The following UNC13C variants were observed in gnomAD, a reference collection of about 807,000 sequenced individuals.
UNC13C encodes protein unc-13 homolog C.
A neutral mutation model predicts 245.4 loss-of-function variants in UNC13C; 174 were observed. The observed-to-expected ratio is 0.71, with a 90% CI of 0.63 to 0.80. UNC13C has a LOEUF of 0.80. UNC13C is among the 30% of genes least tolerant of loss of function. The probability of loss-of-function intolerance (pLI) is 0.00; values close to 1 mark genes in which losing one functional copy is unlikely to be tolerated. For missense variants in UNC13C, 2,829 were observed against 2,602.9 expected, an observed-to-expected ratio of 1.09 and a Z score of -1.89; for synonymous variants, 992 against 895.1, an observed-to-expected ratio of 1.11 and a Z score of -1.93.
chr15:54,069,946 C>T (rs1166420859), intron 2 of UNC13C, among the ~76,000 whole-genome samples: 2 of 152,216 alleles, frequency 1.3e-5, no homozygotes, highest in Non-Finnish European at 2.9e-5. Context: ...ATGCTTTATA[C>T]ATTACTTCAC....
chr15:54,000,811 A>T (rs1894851741), intron 1 of UNC13C, among the ~76,000 whole-genome samples: 1 of 152,170 alleles, frequency 6.6e-6, no homozygotes, highest in African/African-American at 2.4e-5. Flanking sequence ...AGACTTCATA[A>T]ATTAGACTTG....
intron 2 of UNC13C, among the ~76,000 whole-genome samples, chr15:54,087,232 AT>A (rs1237861280): frequency 2.6e-5 from 4 of 152,264 alleles, no homozygotes; most frequent in Non-Finnish European, 4.4e-5. Context: ...TTTAAAAAAA[AT>A]AAATCAAAGA....
chr15:53,948,311 A>C, the UNC13C span: 1 of 152,206 alleles, frequency 6.6e-6, no homozygotes, highest in African/African-American at 2.4e-5. Flanking sequence ...TACTCTGTTG[A>C]GAAACTTCTG....
chr15:54,022,588 C>G (rs1379623152), intron 2 of UNC13C, among the ~76,000 whole-genome samples: 2 of 152,096 alleles, frequency 1.3e-5, no homozygotes, highest in African/African-American at 2.4e-5. Flanking sequence ...TATTTTAAAA[C>G]CAGGTTACTT....
chr15:53,859,045 T>G, the UNC13C span, among the ~76,000 whole-genome samples: 142,564 of 152,010 alleles, frequency 0.94, 67,561 homozygotes, highest in East Asian at 1. Context: ...AATTATCTTT[T>G]ATTTTTTTCT....
chr15:53,913,087 C>T, the UNC13C span: 2 of 152,198 alleles, frequency 1.3e-5, no homozygotes, highest in East Asian at 1.9e-4. Flanking sequence ...CACAGTGTTG[C>T]TTCAGGGCTT....
At chr15:54,143,569 T>G in intron 3 of UNC13C, 51 bp from the exon 4 acceptor site, 1 of 1,487,666 alleles carries the variant, frequency 6.7e-7, no homozygotes, top group Non-Finnish European at 9.3e-7. Context: ...CATAAAACTG[T>G]AGTATGCTAA....
At chr15:54,447,151 A>T (rs533528363) in intron 19 of UNC13C, among the ~76,000 whole-genome samples, 1 of 152,162 alleles carries the variant, frequency 6.6e-6, no homozygotes, top group Non-Finnish European at 1.5e-5. Context: ...CCACTTGATC[A>T]TGGTGGATAA....
the UNC13C span, among the ~76,000 whole-genome samples, chr15:53,881,116 C>G: frequency 6.6e-6 from 1 of 151,772 alleles, no homozygotes; most frequent in Non-Finnish European, 1.5e-5. Context: ...GCTGCATTAA[C>G]TCCTCTAAGA....
At chr15:53,951,808 C>T in the UNC13C span, among the ~76,000 whole-genome samples, 1 of 152,136 alleles carries the variant, frequency 6.6e-6, no homozygotes, top group African/African-American at 2.4e-5. Flanking sequence ...TGCAAGTAAC[C>T]TTTCCTCCTA....
chr15:54,278,906 C>G (rs2036904769), intron 10 of UNC13C, among the ~76,000 whole-genome samples: 1 of 152,090 alleles, frequency 6.6e-6, no homozygotes, highest in African/African-American at 2.4e-5. Context: ...ATTTGTTATA[C>G]TTTTTAAAAT....
At chr15:54,459,453 C>G (rs1346340732) in intron 19 of UNC13C, among the ~76,000 whole-genome samples, 1 of 152,140 alleles carries the variant, frequency 6.6e-6, no homozygotes, top group Non-Finnish European at 1.5e-5. Context: ...TTAGCAGGAT[C>G]AGGGGAGTAA....
chr15:54,612,164 A>G (rs1297249951), intron 30 of UNC13C, among the ~76,000 whole-genome samples: 1 of 152,098 alleles, frequency 6.6e-6, no homozygotes, highest in Non-Finnish European at 1.5e-5. Context: ...ACCTGGAATC[A>G]TTGTTTTAAT....
At chr15:54,191,439 C>T (rs901608064) in intron 4 of UNC13C, among the ~76,000 whole-genome samples, 1 of 152,126 alleles carries the variant, frequency 6.6e-6, no homozygotes, top group Non-Finnish European at 1.5e-5. Flanking sequence ...TTTTCTTTAT[C>T]CAGTCTATCA....
rs76985963 is a variant in UNC13C at position 54,387,260 on chromosome 15, G to C, written c.4714-5788G>C. On this transcript the variant is annotated intron_variant, in intron 17 of 32. Coordinates refer to ENST00000260323, the MANE Select transcript of UNC13C (RefSeq NM_001080534.3). ...AGTAGCACTTGTGGATCTAGCACCA[G>C]TTAGCTAGATTTATAGCTACTCCTT... Among the ~76,000 whole-genome samples the C allele has an allele frequency of 2.5e-3, 382 of 152,246 alleles. 4 individuals carry two copies. Among genetic ancestry groups the C allele is most frequent in the African/African-American group, 8.9e-3 (368 of 41,554 alleles).
chr15:53,917,903 T>G, the UNC13C span, among the ~76,000 whole-genome samples: 1 of 152,170 alleles, frequency 6.6e-6, no homozygotes, highest in Non-Finnish European at 1.5e-5. Flanking sequence ...TAAAGCACAG[T>G]CACCTGTCTT....
At chr15:54,036,875 G>A (rs924427427) in intron 2 of UNC13C, among the ~76,000 whole-genome samples, 1 of 152,178 alleles carries the variant, frequency 6.6e-6, no homozygotes, top group Admixed American at 6.5e-5. Context: ...GAAAACCTTC[G>A]GTGATTCAGT....
At chr15:54,541,874 ATGT>A (rs1219718709) in intron 26 of UNC13C, among the ~76,000 whole-genome samples, 1 of 152,044 alleles carries the variant, frequency 6.6e-6, no homozygotes, top group Non-Finnish European at 1.5e-5. Context: ...CACCTTTGCC[ATGT>A]TGTTATGTTG....
intron 2 of UNC13C, among the ~76,000 whole-genome samples, chr15:54,099,083 T>A (rs1443570147): frequency 6.6e-6 from 1 of 152,194 alleles, no homozygotes; most frequent in Non-Finnish European, 1.5e-5. Flanking sequence ...ATCAAATATG[T>A]CCAAAGATGT....
Sources: gnomAD v4.1 joint callset for allele counts (sites outside exome capture counted in the v4.1 genomes callset) on GRCh38, gnomAD v4.1.1 for gene constraint, MANE v1.5 for transcripts, NCBI Gene and HGNC (gene_info 2026-07-23, HGNC 2026-07-21) for gene names.